The following PAM variants were observed in gnomAD, a reference collection of about 807,000 sequenced individuals.
PAM encodes the protein peptidyl-glycine alpha-amidating monooxygenase.
PAM carries 72 observed loss-of-function variants against 122.1 expected under a neutral mutation model. The observed-to-expected ratio is 0.59, with a 90% CI of 0.49 to 0.72. PAM has a LOEUF of 0.72. Ranked by LOEUF, PAM falls within the 30% of genes least tolerant of loss-of-function variation. The probability of loss-of-function intolerance (pLI) is 0.00; values close to 1 mark genes in which losing one functional copy is unlikely to be tolerated. For missense variants in PAM, 1,106 were observed against 1,183.7 expected, an observed-to-expected ratio of 0.93 and a Z score of 0.96; for synonymous variants, 389 against 404.4, an observed-to-expected ratio of 0.96 and a Z score of 0.46.
chr5:102,757,122 T>C (rs1245787463), intron 1 of PAM, among the ~76,000 whole-genome samples: 1 of 152,086 alleles, frequency 6.6e-6, no homozygotes, highest in Non-Finnish European at 1.5e-5. Flanking sequence ...GGTCAGAAGT[T>C]CCGTACCAGC....
At chr5:102,896,287 CTCA>C (rs1561800642) in intron 3 of PAM, among the ~76,000 whole-genome samples, 2 of 151,716 alleles carry the variant, frequency 1.3e-5, no homozygotes, top group East Asian at 3.9e-4. Flanking sequence ...TGAGATTCTT[CTCA>C]TCATCAGCCA....
intron 14 of PAM, among the ~76,000 whole-genome samples, chr5:102,962,951 G>A (rs1762937036): frequency 6.6e-6 from 1 of 151,426 alleles, no homozygotes; most frequent in Admixed American, 6.6e-5. Context: ...TTTTCCTGCA[G>A]TTTCTATTTT....
At chr5:102,785,434 G>C (rs1760253663) in intron 1 of PAM, among the ~76,000 whole-genome samples, 2 of 152,214 alleles carry the variant, frequency 1.3e-5, no homozygotes, top group South Asian at 4.1e-4. Flanking sequence ...GAATAAATAA[G>C]GGACAAACCA....
chr5:102,786,837 A>G (rs537484232), intron 1 of PAM, among the ~76,000 whole-genome samples: 9 of 152,272 alleles, frequency 5.9e-5, no homozygotes, highest in Admixed American at 5.2e-4. Flanking sequence ...GATATGTGGT[A>G]TAGAGGTCAA....
At chr5:102,758,840 G>T (rs1751453419) in intron 1 of PAM, among the ~76,000 whole-genome samples, 1 of 152,034 alleles carries the variant, frequency 6.6e-6, no homozygotes, top group Non-Finnish European at 1.5e-5. Context: ...AGGGGGAGGG[G>T]GGAAGGAATG....
At chr5:103,020,062 CAAGTGATAGA>C (rs1047662772) in intron 23 of PAM, among the ~76,000 whole-genome samples, 5 of 151,836 alleles carry the variant, frequency 3.3e-5, no homozygotes, top group African/African-American at 1.2e-4. Context: ...TTACTGATTT[CAAGTGATAGA>C]AAGTGATTGA....
chr5:102,907,217 C>T (rs935007388), intron 4 of PAM, among the ~76,000 whole-genome samples: 8 of 151,878 alleles, frequency 5.3e-5, no homozygotes, highest in African/African-American at 1.7e-4. Flanking sequence ...ATGACAATTT[C>T]ACTATTAAGC....
chr5:102,829,759 C>T (rs1368119822), intron 1 of PAM, among the ~76,000 whole-genome samples: 6 of 152,072 alleles, frequency 3.9e-5, no homozygotes, highest in Admixed American at 3.9e-4. Flanking sequence ...TACAAATTGT[C>T]TCTGTATATT....
intron 17 of PAM, among the ~76,000 whole-genome samples, chr5:103,004,238 A>G (rs563352173): frequency 1.9e-4 from 29 of 152,294 alleles, no homozygotes; most frequent in African/African-American, 6.3e-4. Flanking sequence ...TTGGTGCTCT[A>G]TTTATTCACC....
chr5:102,961,516 AATC>A (rs1177192630), intron 14 of PAM, among the ~76,000 whole-genome samples: 1 of 151,944 alleles, frequency 6.6e-6, no homozygotes. Context: ...GTGCAAGCAT[AATC>A]ATTAAAAACC....
At chr5:102,888,983 T>G (rs1205549781) in intron 3 of PAM, among the ~76,000 whole-genome samples, 1 of 151,984 alleles carries the variant, frequency 6.6e-6, no homozygotes, top group Non-Finnish European at 1.5e-5. Context: ...GAACATGTTT[T>G]AAAATAAAAG....
intron 7 of PAM, among the ~76,000 whole-genome samples, chr5:102,945,266 G>T (rs555999229): frequency 1.3e-5 from 2 of 151,880 alleles, no homozygotes; most frequent in Non-Finnish European, 2.9e-5. Context: ...TGAGCACTTC[G>T]TTGAAAACTG....
intron 5 of PAM, among the ~76,000 whole-genome samples, chr5:102,919,012 G>A (rs114619995): frequency 0.011 from 1,610 of 152,018 alleles, 38 homozygotes; most frequent in African/African-American, 0.037. Flanking sequence ...AACCAAAGAT[G>A]GCTTCTACAG....
At chr5:102,779,034 C>T (rs535685450) in intron 1 of PAM, among the ~76,000 whole-genome samples, 7 of 152,236 alleles carry the variant, frequency 4.6e-5, no homozygotes, top group Admixed American at 1.3e-4. Flanking sequence ...GTGCCTCTAA[C>T]TTGTCTTCTG....
chr5:102,842,884 C>T (rs1422718628), intron 1 of PAM, among the ~76,000 whole-genome samples: 1 of 152,168 alleles, frequency 6.6e-6, no homozygotes, highest in Non-Finnish European at 1.5e-5. Context: ...TTGATATATA[C>T]AACAATGTTA....
chr5:102,903,358 T>C (rs1258686384), intron 4 of PAM, among the ~76,000 whole-genome samples: 1 of 151,514 alleles, frequency 6.6e-6, no homozygotes, highest in Admixed American at 6.6e-5. Flanking sequence ...TATAGACAAA[T>C]TAGAACTGGA....
intron 3 of PAM, among the ~76,000 whole-genome samples, chr5:102,892,631 C>A (rs1416790858): frequency 2.6e-5 from 4 of 151,770 alleles, no homozygotes; most frequent in Non-Finnish European, 5.9e-5. Flanking sequence ...TGCCATTTTG[C>A]TTTTTAAAAA....
At chr5:102,774,498 T>G (rs1756642920) in intron 1 of PAM, among the ~76,000 whole-genome samples, 1 of 152,028 alleles carries the variant, frequency 6.6e-6, no homozygotes, top group Non-Finnish European at 1.5e-5. Flanking sequence ...CCTAAAACAC[T>G]TGTGGGAGGA....
intron 14 of PAM, among the ~76,000 whole-genome samples, chr5:102,969,262 AAGTT>A (rs1419722858): frequency 6.6e-6 from 1 of 151,918 alleles, no homozygotes; most frequent in Non-Finnish European, 1.5e-5. Flanking sequence ...ATCAAAATCA[AAGTT>A]AGTCCAGTGG....
Sources: allele counts gnomAD v4.1 joint callset (sites outside exome capture counted in the v4.1 genomes callset), GRCh38; gene constraint gnomAD v4.1.1; transcripts MANE v1.5; gene names NCBI Gene and HGNC (gene_info 2026-07-23, HGNC 2026-07-21).